Variants in FAM133B observed in about 807,000 individuals in gnomAD.
FAM133B encodes family with sequence similarity 133 member B, also known as protein FAM133B.
FAM133B carries 25 observed loss-of-function variants against 46.4 expected under a neutral mutation model. That is an observed-to-expected ratio of 0.54 (90% CI 0.39 to 0.75). FAM133B has a LOEUF of 0.75. Ranked by LOEUF, FAM133B falls within the 30% of genes least tolerant of loss-of-function variation. The probability of loss-of-function intolerance (pLI) is 0.00; values close to 1 mark genes in which losing one functional copy is unlikely to be tolerated. For missense variants in FAM133B, 205 were observed against 277.6 expected (o/e 0.74, Z 1.86); for synonymous variants, 75 against 86.0 (o/e 0.87, Z 0.71).
At chr7:92,589,274 TA>T (rs1380679779) in intron 1 of FAM133B, among the ~76,000 whole-genome samples, 14 of 152,350 alleles carry the variant, frequency 9.2e-5, no homozygotes, top group African/African-American at 3.4e-4. Context: ...ATCTGATTCA[TA>T]ACCTGAGTTT....
At chr7:92,566,620 C>T (rs1038734497) in intron 9 of FAM133B, among the ~76,000 whole-genome samples, 1 of 152,094 alleles carries the variant, frequency 6.6e-6, no homozygotes, top group Non-Finnish European at 1.5e-5. Flanking sequence ...CCAGCCTGGG[C>T]GACAGACTGA....
At chr7:92,581,481 A>G in intron 2 of FAM133B, 25 bp downstream of exon 2, 1 of 1,578,532 alleles carries the variant, frequency 6.3e-7, no homozygotes, top group Non-Finnish European at 8.7e-7. Context: ...AAAGCTTATA[A>G]ATAGGTAAAG....
chr7:92,566,641 CAAAACAGGCAAACA>C (rs1181895475), intron 9 of FAM133B, among the ~76,000 whole-genome samples: 1 of 152,064 alleles, frequency 6.6e-6, no homozygotes, highest in Non-Finnish European at 1.5e-5. Context: ...CACCTTGTCT[CAAAACAGGCAAACA>C]AAACATCAGC....
intron 1 of FAM133B, chr7:92,590,030 A>G: frequency 1.7e-6 from 1 of 602,652 alleles, no homozygotes; most frequent in Admixed American, 3.0e-5. Context: ...GCAGCGCCAG[A>G]AAGAGCGACG....
In FAM133B at chr7:92,579,407, G is replaced by T. The variant is rs1365660539; in HGVS notation, c.123-12C>A. 6.3e-7 allele frequency: 1 copy of T among 1,579,986 alleles called. No individual in the cohort carries two copies. The highest frequency in any genetic ancestry group is 8.6e-7 in the Non-Finnish European group (1 of 1,161,750). ...CTTTTACTTCTTCCCTTAAAAAATA[G>T]AATGTACAAACAAAATTTCAAGCAA... On this transcript the variant is annotated splice_polypyrimidine_tract_variant and intron_variant, in intron 2 of 10. Coordinates refer to ENST00000445716, the MANE Select transcript of FAM133B (RefSeq NM_152789.4).
chr7:92,579,985 A>G (rs1208023712), intron 2 of FAM133B, among the ~76,000 whole-genome samples: 1 of 152,218 alleles, frequency 6.6e-6, no homozygotes, highest in African/African-American at 2.4e-5. Flanking sequence ...GATTCTTACT[A>G]TTCTCTGATA....
chr7:92,564,287 G>A (rs1015766659), intron 10 of FAM133B, among the ~76,000 whole-genome samples: 1 of 152,078 alleles, frequency 6.6e-6, no homozygotes. Flanking sequence ...CTTCCTCAGC[G>A]AGGATTTCAT....
chr7:92,579,631 A>C (rs1036290464), intron 2 of FAM133B, among the ~76,000 whole-genome samples: 2 of 152,234 alleles, frequency 1.3e-5, no homozygotes, highest in African/African-American at 4.8e-5. Context: ...CTAATACACC[A>C]AACATCTAAG....
At chr7:92,586,058 C>G (rs765273913) in intron 1 of FAM133B, among the ~76,000 whole-genome samples, 1 of 152,160 alleles carries the variant, frequency 6.6e-6, no homozygotes, top group Non-Finnish European at 1.5e-5. Context: ...TTACTGTGTA[C>G]TATCAAACTG....
intron 9 of FAM133B, among the ~76,000 whole-genome samples, chr7:92,567,747 C>T (rs1344103707): frequency 6.6e-6 from 1 of 152,136 alleles, no homozygotes; most frequent in Non-Finnish European, 1.5e-5. Context: ...TGTGATGAAT[C>T]TGTTTACAAT....
intron 1 of FAM133B, chr7:92,589,933 G>C: frequency 2.4e-6 from 1 of 417,876 alleles, no homozygotes; most frequent in South Asian, 3.0e-5. Flanking sequence ...TTACATGGCG[G>C]GGCCAGGTGT....
At position 92,581,493 on chromosome 7, in the gene FAM133B, GT is replaced by G. The variant is rs984010565; in HGVS notation, c.122+12del. The G allele has an allele frequency of 1.2e-6, 2 of 1,602,432 alleles. No homozygotes were observed. The highest frequency in any genetic ancestry group is 2.7e-5 in the African/African-American group (2 of 74,716). On this transcript the variant is annotated intron_variant, in intron 2 of 10. Transcript: ENST00000445716. The stretch of plus-strand genomic sequence containing the variant: ...ATAAAAGCTTATAAATAGGTAAAGT[GT>G]TTCACAAATACCAGGTAGGCCTTGG...
At chr7:92,582,644 C>CA (rs1420107775) in intron 1 of FAM133B, among the ~76,000 whole-genome samples, 4 of 151,746 alleles carry the variant, frequency 2.6e-5, no homozygotes, top group African/African-American at 7.3e-5. Flanking sequence ...TTAACAACAA[C>CA]AAAAAAACTC....
At chr7:92,578,207 C>T in intron 4 of FAM133B, 25 bp from the exon 5 acceptor site, 1 of 1,611,654 alleles carries the variant, frequency 6.2e-7, no homozygotes, top group Non-Finnish European at 8.5e-7. Context: ...AAGTACAAGT[C>T]TAAATAAGCT....
intron 1 of FAM133B, among the ~76,000 whole-genome samples, chr7:92,588,553 C>G (rs1426989067): frequency 1.3e-5 from 2 of 152,182 alleles, no homozygotes; most frequent in African/African-American, 2.4e-5. Context: ...TTCACTACCA[C>G]AGTGGTTCCT....
chr7:92,580,453 C>A (rs1247292396), intron 2 of FAM133B, among the ~76,000 whole-genome samples: 1 of 152,130 alleles, frequency 6.6e-6, no homozygotes, highest in Non-Finnish European at 1.5e-5. Context: ...AATAAAAACC[C>A]TGGGCACTGA....
chr7:92,566,013 C>A lies in FAM133B; in HGVS notation c.657+1G>T, dbSNP rs780942723. On this transcript the variant is annotated splice_donor_variant, in intron 10 of 10. Coordinates refer to ENST00000445716, the MANE Select transcript of FAM133B (RefSeq NM_152789.4). LOFTEE classifies it high-confidence loss of function. ...CTGTAAAAACGTTAAGAGATACTTG[C>A]TGTTGCTTTTTCTCGTTCTTCACTG... is the stretch of plus-strand genomic sequence containing the variant. The A allele has an allele frequency of 1.9e-6, 3 of 1,613,740 alleles. No individual in the cohort carries two copies. Among genetic ancestry groups the A allele is most frequent in the Non-Finnish European group, 2.5e-6 (3 of 1,179,794 alleles).
intron 1 of FAM133B, among the ~76,000 whole-genome samples, chr7:92,587,025 T>G (rs151186053): frequency 6.6e-6 from 1 of 152,196 alleles, no homozygotes; most frequent in Non-Finnish European, 1.5e-5. Context: ...ATGTAACAAA[T>G]GTACCACCCT....
At chr7:92,585,125 C>T (rs1178218416) in intron 1 of FAM133B, among the ~76,000 whole-genome samples, 2 of 152,142 alleles carry the variant, frequency 1.3e-5, no homozygotes, top group African/African-American at 2.4e-5. Context: ...ATCACAGGAG[C>T]CCAACCCTCA....
Sources: gnomAD v4.1 joint callset for allele counts (sites outside exome capture counted in the v4.1 genomes callset) on GRCh38, gnomAD v4.1.1 for gene constraint, MANE v1.5 for transcripts, NCBI Gene and HGNC (gene_info 2026-07-23, HGNC 2026-07-21) for gene names.